PTPRS: variants seen among roughly 807,000 people sequenced by gnomAD.
PTPRS encodes the protein protein tyrosine phosphatase receptor type S, also known as receptor-type tyrosine-protein phosphatase S.
Under a neutral mutation model 215.3 loss-of-function variants are expected in PTPRS, and 63 were observed. The observed-to-expected ratio is 0.29, with a 90% CI of 0.24 to 0.36. The LOEUF (loss-of-function observed/expected upper bound fraction) is 0.36, where lower values mean the gene tolerates loss of function less well. Among genes scored for constraint, PTPRS ranks in the 10% least tolerant of loss-of-function variants. PTPRS has a pLI of 1.00. For missense variants in PTPRS, 2,258 were observed against 2,825.8 expected (o/e 0.80, Z 4.56); for synonymous variants, 1,404 against 1,191.4 (o/e 1.18, Z -3.68).
intron 6 of PTPRS, among the ~76,000 whole-genome samples, chr19:5,261,125 T>C (rs966688273): frequency 3.3e-5 from 5 of 152,052 alleles, no homozygotes; most frequent in African/African-American, 4.8e-5. Flanking sequence ...GAGGGGCGTC[T>C]CTATGCCCAG....
rs140733933 is a variant in PTPRS at position 5,238,948 on chromosome 19, G to A, written c.1820C>T (p.Pro607Leu). The A allele has an allele frequency of 8.7e-6, 14 of 1,610,870 alleles. No homozygotes were observed. Among genetic ancestry groups the A allele is most frequent in the Admixed American group, 1.7e-5 (1 of 59,638 alleles). Residue 607 changes from proline (P) to leucine (L), a missense_variant, in exon 13 of 38, where the codon CCC (proline) becomes CTC (leucine). Physicochemically the swap from Pro to Leu is moderately conservative, Grantham distance 98. Around this residue, in one of 6 missense-constraint regions of PTPRS, gnomAD observed 371 missense variants for 446.7 expected, o/e 0.83. Transcript: ENST00000262963. ...RSPQGLGAFT[P>L]VVRQRTLQSK... Reference sequence around the variant, plus strand: ...CTGCAGCGTGCGCTGCCGCACCACGGGGGTGAAGGCGCCCAGGCCCTGCGG... The same window carrying A: ...CTGCAGCGTGCGCTGCCGCACCACGAGGGTGAAGGCGCCCAGGCCCTGCGG...
chr19:5,216,305 C>G (rs2041445628), intron 26 of PTPRS, among the ~76,000 whole-genome samples: 2 of 152,102 alleles, frequency 1.3e-5, no homozygotes, highest in South Asian at 2.1e-4. Flanking sequence ...TCTGCAGAAC[C>G]CTGACCTCTC....
chr19:5,259,342 T>C (rs1055890844), intron 7 of PTPRS, among the ~76,000 whole-genome samples: 1 of 152,186 alleles, frequency 6.6e-6, no homozygotes, highest in African/African-American at 2.4e-5. Flanking sequence ...CTCAAGAATA[T>C]CTGAAATCAC....
chr19:5,246,175 GA>G (rs923816540), intron 9 of PTPRS, 130 bp from the exon 10 acceptor site: 6 of 439,298 alleles, frequency 1.4e-5, no homozygotes, highest in African/African-American at 6.2e-5. Context: ...AGGAAAGAAA[GA>G]AAAAAAGAAA....
intron 24 of PTPRS, 111 bp from the exon 25 acceptor site, chr19:5,218,643 A>G: frequency 2.0e-6 from 3 of 1,515,634 alleles, no homozygotes; most frequent in South Asian, 1.1e-5. Flanking sequence ...GACCCGTATG[A>G]CTAGGGTTTC....
At chr19:5,305,765 A>AT (rs144512818) in intron 1 of PTPRS, among the ~76,000 whole-genome samples, 59 of 93,392 alleles carry the variant, frequency 6.3e-4, no homozygotes, top group South Asian at 2.8e-3. Flanking sequence ...ATATATATAT[A>AT]TTTTTTTTTT....
rs908316880 is a variant in PTPRS at position 5,210,350 on chromosome 19, TCTC to T, written c.5487+116_5487+118del. 4.1e-6 allele frequency: 6 copies of T among 1,446,600 alleles called. No individual in the cohort carries two copies. The highest frequency in any genetic ancestry group is 1.3e-5 in the South Asian group (1 of 78,066). The allele number at this position is 1,446,600 out of a possible 1,614,324, so 89.6% of individuals were successfully genotyped here. A position where few individuals can be genotyped will look rare whatever the true frequency, so the allele number is the denominator to read the frequency against. ...AGTGGCCAACTGGTCAGCTGACACT[TCTC>T]CTGATTCCCAATGCTTATGCCTAAC... On this transcript the variant is annotated intron_variant, in intron 35 of 37. Coordinates refer to ENST00000262963, the MANE Select transcript of PTPRS (RefSeq NM_002850.4). This position sits in a 1 kb window ranked among gnomAD's most constrained non-coding sequence, Gnocchi z 4.5.
Position 5,214,484 on chromosome 19 carries a change from T to C in PTPRS, c.4495-4A>G. On this transcript the variant is annotated splice_polypyrimidine_tract_variant and splice_region_variant and intron_variant, in intron 29 of 37. Coordinates refer to ENST00000262963, the MANE Select transcript of PTPRS (RefSeq NM_002850.4). The stretch of plus-strand genomic sequence containing the variant: ...GCCAATACTGATCACACTTGATCTG[T>C]ATCGGGCAAGAGAACAGGTGTCAGC... 6.2e-7 allele frequency: 1 copy of C among 1,614,078 alleles called. No individual in the cohort carries two copies.
chr19:5,311,430 G>A (rs1409317750), intron 1 of PTPRS, among the ~76,000 whole-genome samples: 1 of 152,166 alleles, frequency 6.6e-6, no homozygotes, highest in African/African-American at 2.4e-5. Flanking sequence ...TATAGGAGGT[G>A]CTCAATAAGT....
intron 1 of PTPRS, among the ~76,000 whole-genome samples, chr19:5,304,123 A>C (rs1416878240): frequency 6.6e-6 from 1 of 152,012 alleles, no homozygotes; most frequent in Non-Finnish European, 1.5e-5. Flanking sequence ...GCTGAGCACT[A>C]AGGACACAAG....
At chr19:5,292,716 A>AC (rs1399908155) in intron 1 of PTPRS, 1 of 151,780 alleles carries the variant, frequency 6.6e-6, no homozygotes, top group African/African-American at 2.4e-5. Context: ...CCTGCCATGC[A>AC]CCCCCCACCG....
chr19:5,304,372 TG>T (rs981628411), intron 1 of PTPRS, among the ~76,000 whole-genome samples: 30 of 151,802 alleles, frequency 2.0e-4, no homozygotes, highest in African/African-American at 7.2e-4. Flanking sequence ...CCCAGCTACT[TG>T]GGAAGCTGAG....
chr19:5,245,707 C>A, intron 10 of PTPRS, 69 bp downstream of exon 10: 4 of 1,502,380 alleles, frequency 2.7e-6, no homozygotes, highest in Non-Finnish European at 3.6e-6. Flanking sequence ...CTGCCTCCCA[C>A]CTGTGCCTGA....
chr19:5,216,885 C>CAG (rs1555742440), intron 25 of PTPRS, 118 bp from the exon 26 acceptor site: 1 of 656,040 alleles, frequency 1.5e-6, no homozygotes, highest in Admixed American at 2.4e-5. Context: ...ACGCGGACAA[C>CAG]GGGGGGTATG....
chr19:5,238,724 C>G (rs1380327295), intron 13 of PTPRS, among the ~76,000 whole-genome samples, 195 bp downstream of exon 13: 1 of 152,222 alleles, frequency 6.6e-6, no homozygotes, highest in Non-Finnish European at 1.5e-5. Flanking sequence ...ATGCTGAGAC[C>G]CTCGCTGTGC....
At chr19:5,267,951 C>T (rs1033399226) in intron 4 of PTPRS, among the ~76,000 whole-genome samples, 1 of 151,744 alleles carries the variant, frequency 6.6e-6, no homozygotes, top group Non-Finnish European at 1.5e-5. Flanking sequence ...AGGTGGATCA[C>T]GAGGTCAGGA....
rs529216250 is a variant in PTPRS at position 5,218,673 on chromosome 19, G to A, written c.3935+114C>T. On this transcript the variant is annotated intron_variant, in intron 24 of 37. Transcript: ENST00000262963. Reference sequence around the variant, plus strand: ...GGTTTCCAGGACCAAGTACAGCTACGTGTACAAGCTGTGGGGGCAGCCGGG... The same window carrying A: ...GGTTTCCAGGACCAAGTACAGCTACATGTACAAGCTGTGGGGGCAGCCGGG... 3,830 of 1,492,838 alleles carry A rather than the reference G, an allele frequency of 2.6e-3. 11 individuals are homozygous for A. Among genetic ancestry groups the A allele is most frequent in the Non-Finnish European group, 3.2e-3 (3,383 of 1,069,750 alleles). 92.5% of individuals were successfully genotyped at this position (1,492,838 alleles called of 1,614,324 possible).
At chr19:5,231,134 C>T (rs1386627145) in intron 14 of PTPRS, among the ~76,000 whole-genome samples, 176 bp downstream of exon 14, 5 of 152,194 alleles carry the variant, frequency 3.3e-5, no homozygotes, top group Non-Finnish European at 7.3e-5. Context: ...TGTCTAGAAT[C>T]GCCAATTCCA....
At chr19:5,310,638 C>T (rs2049670753) in intron 1 of PTPRS, among the ~76,000 whole-genome samples, 1 of 152,038 alleles carries the variant, frequency 6.6e-6, no homozygotes, top group Non-Finnish European at 1.5e-5. Context: ...TTCTTAAAGG[C>T]ATGGCATACA....
Sources: gnomAD v4.1 joint callset for allele counts (sites outside exome capture counted in the v4.1 genomes callset) on GRCh38, gnomAD v4.1.1 for gene constraint, gnomAD v4.1.1 regional missense constraint, Gnocchi (gnomAD v3.1) non-coding constraint, MANE v1.5 for transcripts, NCBI Gene and HGNC (gene_info 2026-07-23, HGNC 2026-07-21) for gene names.